The following VPS13B variants were observed in gnomAD, a reference collection of about 807,000 sequenced individuals.
The protein encoded by VPS13B is vacuolar protein sorting 13 homolog B.
A neutral mutation model predicts 426.4 loss-of-function variants in VPS13B; 285 were observed. That is an observed-to-expected ratio of 0.67 (90% confidence interval 0.61 to 0.74). The LOEUF (loss-of-function observed/expected upper bound fraction) is 0.74, where lower values mean the gene tolerates loss of function less well. Ranked by LOEUF, VPS13B falls within the 30% of genes least tolerant of loss-of-function variation. The pLI, the probability that VPS13B is intolerant of heterozygous loss-of-function variation, is 0.00. For synonymous variants in VPS13B, 1,676 were observed against 1,676.4 expected, an observed-to-expected ratio of 1.00 and a Z score of 0.01; for missense variants, 4,537 against 4,782.6, an observed-to-expected ratio of 0.95 and a Z score of 1.51.
chr8:99,434,728 G>A (rs957202767), intron 22 of VPS13B, among the ~76,000 whole-genome samples: 1 of 152,136 alleles, frequency 6.6e-6, no homozygotes, highest in Non-Finnish European at 1.5e-5. Flanking sequence ...AGAGAAGAAT[G>A]GGGGGAAGAA....
rs1371432613 is a variant in VPS13B, at chr8:99,823,880, A to G, written c.9232A>G (p.Ile3078Val). The change falls in exon 51 of 62, where the codon ATT (isoleucine) becomes GTT (valine). Residue 3078 changes from isoleucine to valine, a missense_variant. Physicochemically the swap from Ile to Val is conservative, Grantham distance 29 (BLOSUM62 3). This residue lies in a region of VPS13B where 4,311 missense variants were observed against 4,474.3 expected (regional missense o/e 0.96). Coordinates refer to ENST00000357162, the MANE Select transcript of VPS13B (RefSeq NM_152564.5). ...SSMVQQGIQIIQIEDKTTIIN... is the reference protein window; with the variant it reads ...SSMVQQGIQIVQIEDKTTIIN... Reference sequence around the variant, plus strand: ...CATGGTACAGCAAGGTATACAAATTATTCAGATTGAAGACAAGACTACAAT... The same window carrying G: ...CATGGTACAGCAAGGTATACAAATTGTTCAGATTGAAGACAAGACTACAAT... 2.5e-6 allele frequency: 4 copies of G among 1,613,578 alleles called. No homozygotes were observed. The African/African-American group carries it at 5.3e-5, about 22-fold the overall frequency.
intron 33 of VPS13B, among the ~76,000 whole-genome samples, chr8:99,583,976 G>A (rs1826192234): frequency 6.6e-6 from 1 of 152,088 alleles, no homozygotes; most frequent in Non-Finnish European, 1.5e-5. Context: ...TGCATAGGGT[G>A]ACCTCCTATT....
chr8:99,670,659 G>T (rs1403231371), intron 35 of VPS13B, among the ~76,000 whole-genome samples: 1 of 151,898 alleles, frequency 6.6e-6, no homozygotes, highest in Non-Finnish European at 1.5e-5. Context: ...CCTAGCCCCT[G>T]GCAACAAACA....
chr8:99,542,946 A>C (rs925881908), intron 30 of VPS13B, among the ~76,000 whole-genome samples: 2 of 152,206 alleles, frequency 1.3e-5, no homozygotes, highest in Admixed American at 6.5e-5. Flanking sequence ...TTCTTCACAG[A>C]ATTGGAAAAA....
intron 52 of VPS13B, among the ~76,000 whole-genome samples, chr8:99,833,248 C>T (rs1815184302): frequency 6.6e-6 from 1 of 152,166 alleles, no homozygotes; most frequent in Non-Finnish European, 1.5e-5. Flanking sequence ...AAACCAGAGA[C>T]ATATAATGGT....
At chr8:99,340,760 G>A (rs1300551496) in intron 19 of VPS13B, 3 of 344,284 alleles carry the variant, frequency 8.7e-6, no homozygotes, top group Middle Eastern at 4.6e-4. Flanking sequence ...CTGGCACTTG[G>A]GCGAGGTGAC....
chr8:99,868,172 T>A, intron 58 of VPS13B, 117 bp from the exon 59 acceptor site: 1 of 1,320,420 alleles, frequency 7.6e-7, no homozygotes, highest in Non-Finnish European at 1.1e-6. Flanking sequence ...AGTAAAGACC[T>A]TTATAATGAG....
At chr8:99,060,281 A>T (rs1183557372) in intron 3 of VPS13B, among the ~76,000 whole-genome samples, 1 of 152,156 alleles carries the variant, frequency 6.6e-6, no homozygotes, top group African/African-American at 2.4e-5. Flanking sequence ...TATTTGGGAG[A>T]TATAGTGTGT....
At chr8:99,724,790 T>G (rs778721182) in intron 39 of VPS13B, among the ~76,000 whole-genome samples, 2 of 152,158 alleles carry the variant, frequency 1.3e-5, no homozygotes, top group Non-Finnish European at 2.9e-5. Flanking sequence ...TTCCAGCCTG[T>G]CCTTCTAAGT....
chr8:99,593,680 G>A (rs1826818178), intron 33 of VPS13B, among the ~76,000 whole-genome samples: 1 of 152,088 alleles, frequency 6.6e-6, no homozygotes, highest in African/African-American at 2.4e-5. Context: ...GTGATAGACT[G>A]GATAAAGAAA....
intron 21 of VPS13B, among the ~76,000 whole-genome samples, chr8:99,402,282 A>G (rs1453529894): frequency 6.6e-6 from 1 of 152,154 alleles, no homozygotes; most frequent in Non-Finnish European, 1.5e-5. Flanking sequence ...CAGACTCCAG[A>G]AAGGTGCTCA....
chr8:99,201,033 G>C (rs997018923), intron 17 of VPS13B, among the ~76,000 whole-genome samples: 2 of 150,824 alleles, frequency 1.3e-5, no homozygotes, highest in Admixed American at 1.3e-4. Context: ...ATCCTTCTTG[G>C]TCTTATTCTT....
rs980028099 is a variant in VPS13B, at chr8:99,835,215, T to C, written c.9633T>C (p.Tyr3211=). Residue 3211 remains tyrosine, a synonymous_variant, in exon 53 of 62, where the codon TAT becomes TAC. Transcript: ENST00000357162. ...CTTCCAGGGCTATAGTGCTGACATATCAAGAACACCTCGGAGTGACTTATT... is the reference window on the plus strand; with the variant it reads ...CTTCCAGGGCTATAGTGCTGACATACCAAGAACACCTCGGAGTGACTTATT... The part of the protein sequence containing the change: ...GFCTRAIVLT[Y]QEHLGVTYLT... The C allele has an allele frequency of 1.2e-6, 2 of 1,614,012 alleles. No individual in the cohort carries two copies. Among genetic ancestry groups the C allele is most frequent in the Non-Finnish European group, 1.7e-6 (2 of 1,179,968 alleles).
chr8:99,042,600 C>T (rs1329050215), intron 3 of VPS13B, among the ~76,000 whole-genome samples: 1 of 152,144 alleles, frequency 6.6e-6, no homozygotes, highest in Non-Finnish European at 1.5e-5. Context: ...CCCATAAGCA[C>T]GGATTCCTTT....
intron 17 of VPS13B, among the ~76,000 whole-genome samples, chr8:99,237,900 A>T (rs1409859239): frequency 6.6e-6 from 1 of 151,616 alleles, no homozygotes; most frequent in Non-Finnish European, 1.5e-5. Flanking sequence ...TAAGAATGGC[A>T]AACTCCTTCT....
intron 25 of VPS13B, among the ~76,000 whole-genome samples, chr8:99,488,785 C>G (rs1820435440): frequency 6.6e-6 from 1 of 152,002 alleles, no homozygotes; most frequent in Admixed American, 6.6e-5. Context: ...GGATATAAGC[C>G]CTTTGTCAGA....
chr8:99,029,425 C>T (rs1418541556), intron 2 of VPS13B, among the ~76,000 whole-genome samples: 2 of 151,672 alleles, frequency 1.3e-5, no homozygotes, highest in Non-Finnish European at 3.0e-5. Flanking sequence ...CCAAGGCAGG[C>T]GGCTGGGAGG....
intron 16 of VPS13B, among the ~76,000 whole-genome samples, chr8:99,171,323 A>T (rs1342822197): frequency 6.6e-6 from 1 of 151,954 alleles, no homozygotes; most frequent in African/African-American, 2.4e-5. Flanking sequence ...ATAAACTGGG[A>T]TATGTCACAG....
chr8:99,220,100 T>C (rs1323931239), intron 17 of VPS13B, among the ~76,000 whole-genome samples: 3 of 152,184 alleles, frequency 2.0e-5, no homozygotes, highest in East Asian at 1.9e-4. Flanking sequence ...GTAGTTGTCA[T>C]TGTTTGTTTC....
Sources: allele counts gnomAD v4.1 joint callset (sites outside exome capture counted in the v4.1 genomes callset), GRCh38; gene constraint gnomAD v4.1.1; regional missense constraint gnomAD v4.1.1; transcripts MANE v1.5; gene names NCBI Gene and HGNC (gene_info 2026-07-23, HGNC 2026-07-21).